MAN1A1: variants seen among roughly 807,000 people sequenced by gnomAD.
MAN1A1 encodes the protein mannosyl-oligosaccharide 1,2-alpha-mannosidase IA.
A neutral mutation model predicts 70.8 loss-of-function variants in MAN1A1; 29 were observed. The observed-to-expected ratio is 0.41, with a 90% CI of 0.31 to 0.56. MAN1A1 has a LOEUF of 0.56. Among genes scored for constraint, MAN1A1 ranks in the 20% least tolerant of loss-of-function variants. The pLI is 0.29. For missense variants in MAN1A1, 747 were observed against 841.3 expected (o/e 0.89, Z 1.39); for synonymous variants, 349 against 330.1 (o/e 1.06, Z -0.62).
At chr6:119,225,752 A>C (rs1774497152) in intron 6 of MAN1A1, among the ~76,000 whole-genome samples, 1 of 152,234 alleles carries the variant, frequency 6.6e-6, no homozygotes. Context: ...AAATTTGATA[A>C]AAAATCTGAA....
rs1245927169 is a variant in MAN1A1, at chr6:119,179,363, T to C, written c.*456A>G. ...GTCTCTGGTGGACAGACAAACCAGATTAACATGAAATTGTAAAGGAAAAAG... is the reference window on the plus strand; with the variant it reads ...GTCTCTGGTGGACAGACAAACCAGACTAACATGAAATTGTAAAGGAAAAAG... On this transcript the variant is annotated 3_prime_UTR_variant, in exon 13 of 13. Coordinates refer to ENST00000368468, the MANE Select transcript of MAN1A1 (RefSeq NM_005907.4). The C allele has an allele frequency of 6.5e-6, 1 of 153,378 alleles. No individual in the cohort carries two copies. The highest frequency in any genetic ancestry group is 1.5e-5 in the Non-Finnish European group (1 of 68,532). The allele number at this position is 153,378 out of a possible 1,614,324, so 9.5% of individuals were successfully genotyped here.
intron 5 of MAN1A1, among the ~76,000 whole-genome samples, chr6:119,266,371 T>G (rs1054639032): frequency 8.5e-5 from 13 of 152,128 alleles, no homozygotes; most frequent in Non-Finnish European, 1.3e-4. Flanking sequence ...TCTCGATTTG[T>G]GGTACTGGTG....
At chr6:119,209,089 T>A (rs1169186020) in intron 6 of MAN1A1, among the ~76,000 whole-genome samples, 2 of 79,072 alleles carry the variant, frequency 2.5e-5, no homozygotes, top group Admixed American at 1.4e-4. Flanking sequence ...AGACCCCGTC[T>A]CAAAAAAAAA....
At chr6:119,208,681 T>A (rs1186676377) in intron 6 of MAN1A1, among the ~76,000 whole-genome samples, 4 of 152,218 alleles carry the variant, frequency 2.6e-5, no homozygotes, top group African/African-American at 9.6e-5. Flanking sequence ...TCTATTCATA[T>A]CTGAATCCTA....
chr6:119,337,820 T>G (rs1773499120), intron 2 of MAN1A1, among the ~76,000 whole-genome samples: 1 of 152,212 alleles, frequency 6.6e-6, no homozygotes, highest in Non-Finnish European at 1.5e-5. Flanking sequence ...ACAGGAGGAT[T>G]AAATAATGAA....
At chr6:119,281,298 C>A (rs1275418299) in intron 5 of MAN1A1, among the ~76,000 whole-genome samples, 1 of 152,186 alleles carries the variant, frequency 6.6e-6, no homozygotes, top group Non-Finnish European at 1.5e-5. Flanking sequence ...TAATTCTTAT[C>A]TTCTGCTACT....
chr6:119,244,014 GAC>G (rs1388709040), intron 6 of MAN1A1, among the ~76,000 whole-genome samples: 1 of 151,998 alleles, frequency 6.6e-6, no homozygotes, highest in Non-Finnish European at 1.5e-5. Context: ...TATCAAGAAA[GAC>G]AGAAAAATTA....
At chr6:119,250,051 G>C (rs1191662119) in intron 5 of MAN1A1, among the ~76,000 whole-genome samples, 2 of 152,066 alleles carry the variant, frequency 1.3e-5, no homozygotes, top group Admixed American at 6.6e-5. Flanking sequence ...ACAATTCCCT[G>C]TATCAATAAC....
At position 119,348,788 on chromosome 6, in the gene MAN1A1, C is replaced by T. The variant is rs1361267711; in HGVS notation, c.278G>A (p.Arg93His). 4 of 1,410,758 alleles carry T rather than the reference C, an allele frequency of 2.8e-6. No homozygotes were observed. In the South Asian group the frequency reaches 4.8e-5, roughly 17 times the overall value. The allele number at this position is 1,410,758 out of a possible 1,614,324, so 87.4% of individuals were successfully genotyped here. The change falls in exon 2 of 13, where the codon CGC (arginine) becomes CAC (histidine). Residue 93 changes from arginine (R) to histidine (H), a missense_variant. This residue lies in a region of MAN1A1 where 328 missense variants were observed against 293.1 expected (regional missense o/e 1.12). Coordinates refer to ENST00000368468, the MANE Select transcript of MAN1A1 (RefSeq NM_005907.4). The stretch of plus-strand genomic sequence containing the variant: ...TCGCCCCTCGGCCGCGTCCTCGGCG[C>T]GCGCCCCGGGCCCGGGCTTGTGGTC... ...AADHKPGPGA[R>H]AEDAAEGRAR...
intron 6 of MAN1A1, among the ~76,000 whole-genome samples, chr6:119,227,727 C>G (rs2114272497): frequency 6.6e-6 from 1 of 152,280 alleles, no homozygotes; most frequent in African/African-American, 2.4e-5. Context: ...CCTTGGCCTC[C>G]TGAAGTGCTG....
intron 5 of MAN1A1, among the ~76,000 whole-genome samples, chr6:119,286,474 G>C (rs1776378482): frequency 6.6e-6 from 1 of 151,944 alleles, no homozygotes; most frequent in Non-Finnish European, 1.5e-5. Flanking sequence ...TATATTTATT[G>C]AGTAAATCTC....
chr6:119,245,429 T>C (rs960095461), intron 6 of MAN1A1, among the ~76,000 whole-genome samples: 19 of 152,156 alleles, frequency 1.2e-4, no homozygotes, highest in African/African-American at 4.6e-4. Context: ...ACAGTATATA[T>C]GTACAAATGA....
intron 5 of MAN1A1, among the ~76,000 whole-genome samples, chr6:119,266,219 T>TA (rs1775749827): frequency 6.6e-6 from 1 of 152,174 alleles, no homozygotes; most frequent in Non-Finnish European, 1.5e-5. Context: ...ATAAAAATTC[T>TA]AGCAAGTTAT....
At chr6:119,201,999 G>A (rs369150896) in intron 7 of MAN1A1, among the ~76,000 whole-genome samples, 2 of 152,024 alleles carry the variant, frequency 1.3e-5, no homozygotes, top group African/African-American at 2.4e-5. Flanking sequence ...GGCCTGGGAC[G>A]TTACTGTATA....
chr6:119,315,164 A>G (rs1772815381), intron 2 of MAN1A1, among the ~76,000 whole-genome samples: 1 of 152,162 alleles, frequency 6.6e-6, no homozygotes. Flanking sequence ...ATATATATGG[A>G]TGGGGATTTT....
intron 5 of MAN1A1, chr6:119,269,340 C>A (rs757606258): frequency 5.9e-5 from 15 of 253,802 alleles, no homozygotes; most frequent in Non-Finnish European, 1.1e-4. Context: ...AATTTTCTCA[C>A]AGGCTTCAGA....
chr6:119,192,769 C>A (rs960327277), intron 9 of MAN1A1, among the ~76,000 whole-genome samples: 1 of 152,060 alleles, frequency 6.6e-6, no homozygotes, highest in East Asian at 1.9e-4. Context: ...AATACTTAAT[C>A]GCAAAAGCAC....
chr6:119,179,636 G>A lies in MAN1A1; in HGVS notation c.*183C>T. Reference sequence around the variant, plus strand: ...GGATACACTGGCTGAATTAATAAAGGATATGATAAGGAATTTAGGTCCACC... The same window carrying A: ...GGATACACTGGCTGAATTAATAAAGAATATGATAAGGAATTTAGGTCCACC... On this transcript the variant is annotated 3_prime_UTR_variant, in exon 13 of 13. Transcript: ENST00000368468. 1 of 428,224 alleles carries A rather than the reference G, an allele frequency of 2.3e-6. No homozygotes were observed. Among genetic ancestry groups the A allele is most frequent in the Non-Finnish European group, 4.2e-6 (1 of 238,168 alleles). The allele number at this position is 428,224 out of a possible 1,614,324, so 26.5% of individuals were successfully genotyped here. A position where few individuals can be genotyped will look rare whatever the true frequency, so the allele number is the denominator to read the frequency against.
chr6:119,180,324 G>T lies in MAN1A1; in HGVS notation c.1823C>A (p.Ala608Glu), dbSNP rs746303260. The T allele has an allele frequency of 1.2e-6, 2 of 1,612,450 alleles. No homozygotes were observed. The highest frequency in any genetic ancestry group is 1.3e-5 in the African/African-American group (1 of 74,802). The change falls in exon 12 of 13, where the codon GCA becomes GAA. Residue 608 changes from alanine (A) to glutamate (E), a missense_variant. Physicochemically the swap from Ala to Glu is moderately radical, Grantham distance 107. Around this residue, in one of 2 missense-constraint regions of MAN1A1, gnomAD observed 419 missense variants for 548.2 expected, o/e 0.76. Transcript: ENST00000368468. ...AATTTTCACCTACTTCAATGTCTCTGCCAGGAAGAAACTCTGCTGCACATC... is the reference window on the plus strand; with the variant it reads ...AATTTTCACCTACTTCAATGTCTCTTCCAGGAAGAAACTCTGCTGCACATC... ...YDDVQQSFFL[A>E]ETLKYLYLIF... is the part of the protein sequence containing the mutation.
Sources: gnomAD v4.1 joint callset for allele counts (sites outside exome capture counted in the v4.1 genomes callset) on GRCh38, gnomAD v4.1.1 for gene constraint, gnomAD v4.1.1 regional missense constraint, MANE v1.5 for transcripts, NCBI Gene and HGNC (gene_info 2026-07-23, HGNC 2026-07-21) for gene names.